Variants in TPRG1 observed in about 807,000 individuals in gnomAD.
TPRG1 encodes the protein tumor protein p63-regulated gene 1 protein.
Under a neutral mutation model 29.3 loss-of-function variants are expected in TPRG1, and 29 were observed. The observed-to-expected ratio is 0.99, with a 90% CI of 0.74 to 1.35. The LOEUF is 1.35. Ranked by LOEUF, TPRG1 falls within the 40% of genes most tolerant of loss-of-function variation. The pLI, the probability that TPRG1 is intolerant of heterozygous loss-of-function variation, is 0.00. For missense variants in TPRG1, 327 were observed against 335.0 expected (o/e 0.98, Z 0.19); for synonymous variants, 130 against 116.8 (o/e 1.11, Z -0.73).
chr3:189,015,029 G>A (rs781182459), intron 3 of TPRG1, among the ~76,000 whole-genome samples: 34 of 152,154 alleles, frequency 2.2e-4, no homozygotes, highest in Admixed American at 1.0e-3. Flanking sequence ...ATAAGATGAC[G>A]CAGGAAAGTT....
chr3:189,060,778 C>T (rs1487752443), intron 4 of TPRG1, among the ~76,000 whole-genome samples: 1 of 152,064 alleles, frequency 6.6e-6, no homozygotes, highest in Non-Finnish European at 1.5e-5. Flanking sequence ...TGAAACTCTG[C>T]TCAAAGAAAT....
At chr3:189,094,456 C>G (rs1718542568) in intron 4 of TPRG1, among the ~76,000 whole-genome samples, 1 of 152,124 alleles carries the variant, frequency 6.6e-6, no homozygotes, top group Non-Finnish European at 1.5e-5. Flanking sequence ...AGGATCTATT[C>G]AAAATGCTGA....
intron 4 of TPRG1, among the ~76,000 whole-genome samples, chr3:189,026,738 G>A (rs913961226): frequency 6.6e-6 from 1 of 152,178 alleles, no homozygotes; most frequent in Non-Finnish European, 1.5e-5. Flanking sequence ...TGGGAGGACA[G>A]CTAAGAGACA....
chr3:189,292,919 C>T (rs1220550269), intron 4 of TPRG1, among the ~76,000 whole-genome samples: 1 of 152,066 alleles, frequency 6.6e-6, no homozygotes, highest in African/African-American at 2.4e-5. Flanking sequence ...TGAGAGGGGC[C>T]TCTGCAGGGT....
At chr3:189,142,703 T>G (rs1324706194) in intron 3 of TPRG1, among the ~76,000 whole-genome samples, 1 of 152,180 alleles carries the variant, frequency 6.6e-6, no homozygotes, top group Non-Finnish European at 1.5e-5. Context: ...CCCAAAGGTG[T>G]GAAGGATGAA....
At position 189,125,629 on chromosome 3, in the gene TPRG1, T is replaced by C. The variant is rs1341162031; in HGVS notation, c.-743-1428T>C. On this transcript the variant is annotated intron_variant, in intron 1 of 6. Transcript: ENST00000412373. ...CTTCTTTGGTCTCTCTATTCATATG[T>C]CTTCTTAATCAACAGGTACAAAGGA... 2.0e-5 allele frequency among the ~76,000 whole-genome samples: 3 copies of C among 152,144 alleles called. No individual in the cohort carries two copies. The East Asian group carries it at 5.8e-4, about 29-fold the overall frequency.
chr3:189,310,674 A>G (rs1722343649), intron 5 of TPRG1, 135 bp downstream of exon 5: 2 of 436,354 alleles, frequency 4.6e-6, no homozygotes, highest in Non-Finnish European at 7.1e-6. Context: ...TAAAACCAGC[A>G]ATTTATATAG....
At position 189,092,949 on chromosome 3, in the gene TPRG1, C is replaced by G. The variant is rs181718972; in HGVS notation, c.-462-34108C>G. Among the ~76,000 whole-genome samples, 6 of 152,244 alleles carry G rather than the reference C, an allele frequency of 3.9e-5. No homozygotes were observed. In the East Asian group the frequency reaches 1.2e-3, roughly 29 times the overall value. Reference sequence around the variant, plus strand: ...AGTTCCTCTCTGTTTTTAGTGTTCTCTAATTTGCTGAAATTGATGAGCATG... The same window carrying G: ...AGTTCCTCTCTGTTTTTAGTGTTCTGTAATTTGCTGAAATTGATGAGCATG... On this transcript the variant is annotated intron_variant, in intron 4 of 10. Coordinates refer to the TPRG1 transcript ENST00000433971.
chr3:189,251,998 C>T (rs1742346016), intron 4 of TPRG1, among the ~76,000 whole-genome samples: 1 of 151,832 alleles, frequency 6.6e-6, no homozygotes, highest in Non-Finnish European at 1.5e-5. Flanking sequence ...GGGGAGAAAC[C>T]TTGGACAATA....
intron 4 of TPRG1, among the ~76,000 whole-genome samples, chr3:189,270,949 T>C (rs936063839): frequency 6.6e-6 from 1 of 152,210 alleles, no homozygotes; most frequent in Non-Finnish European, 1.5e-5. Flanking sequence ...TTTCTATTTT[T>C]ATGCTCATGA....
chr3:189,231,472 T>G (rs1738641274), intron 3 of TPRG1, among the ~76,000 whole-genome samples: 1 of 152,148 alleles, frequency 6.6e-6, no homozygotes, highest in Non-Finnish European at 1.5e-5. Context: ...TTAAGGGATT[T>G]AGAAGAATCT....
chr3:189,207,488 AC>A lies in TPRG1; in HGVS notation c.107del (p.Pro36ArgfsTer12). 6.2e-7 allele frequency: 1 copy of A among 1,614,052 alleles called. No individual in the cohort carries two copies. Among genetic ancestry groups the A allele is most frequent in the Non-Finnish European group, 8.5e-7 (1 of 1,179,974 alleles). On this transcript the variant is annotated frameshift_variant, in exon 2 of 6. Coordinates refer to ENST00000345063, the MANE Select transcript of TPRG1 (RefSeq NM_198485.4). LOFTEE classifies it high-confidence loss of function. ...ETDHLSMEEE[D>X]PMPRQISRQS... ...GACCACCTATCGATGGAGGAAGAGG[AC>A]CCGATGCCAAGACAGATTTCAAGGC... is the stretch of plus-strand genomic sequence containing the variant.
intron 4 of TPRG1, among the ~76,000 whole-genome samples, chr3:189,049,020 A>G (rs1466413554): frequency 1.3e-5 from 2 of 152,170 alleles, no homozygotes; most frequent in Non-Finnish European, 2.9e-5. Flanking sequence ...CCATTCCTGC[A>G]TGGCACCACA....
intron 4 of TPRG1, among the ~76,000 whole-genome samples, chr3:189,030,659 G>A (rs915086486): frequency 6.6e-6 from 1 of 152,186 alleles, no homozygotes; most frequent in African/African-American, 2.4e-5. Context: ...GTATGAAGAA[G>A]AGTTGCTGAA....
At chr3:189,135,676 A>G (rs1723661119) in intron 3 of TPRG1, among the ~76,000 whole-genome samples, 1 of 152,230 alleles carries the variant, frequency 6.6e-6, no homozygotes, top group African/African-American at 2.4e-5. Context: ...TTTCTAAAAA[A>G]GAATATAGGA....
chr3:189,121,560 C>T (rs1432616589), intron 1 of TPRG1: 1 of 152,174 alleles, frequency 6.6e-6, no homozygotes, highest in Non-Finnish European at 1.5e-5. Flanking sequence ...TGTAATTGAA[C>T]AAGAAGTAAA....
chr3:189,051,419 C>T (rs530368164), intron 4 of TPRG1, among the ~76,000 whole-genome samples: 11 of 152,162 alleles, frequency 7.2e-5, no homozygotes, highest in South Asian at 4.2e-4. Context: ...AGGAAAACTA[C>T]GAAACACTGC....
rs2108805430 is a variant in TPRG1 at position 189,207,388 on chromosome 3, T to C, written c.4T>C (p.Ser2Pro). The C allele has an allele frequency of 6.2e-7, 1 of 1,613,986 alleles. No homozygotes were observed. Among genetic ancestry groups the C allele is most frequent in the South Asian group, 1.1e-5 (1 of 91,082 alleles). ...GCCCTTGGTTTAGGCTGAAGAAATG[T>C]CAACAATTGGGAGTTTTGAAGGATT... M[S>P]TIGSFEGFQA... is the part of the protein sequence containing the mutation. The change falls in exon 2 of 6, where the codon TCA becomes CCA. Residue 2 changes from serine to proline, a missense_variant. Coordinates refer to ENST00000345063, the MANE Select transcript of TPRG1 (RefSeq NM_198485.4).
chr3:189,065,996 C>A (rs921263304), intron 4 of TPRG1, among the ~76,000 whole-genome samples: 1 of 152,112 alleles, frequency 6.6e-6, no homozygotes, highest in Non-Finnish European at 1.5e-5. Flanking sequence ...TTGGACATTG[C>A]AGCTGATACT....
Sources: gnomAD v4.1 joint callset for allele counts (sites outside exome capture counted in the v4.1 genomes callset) on GRCh38, gnomAD v4.1.1 for gene constraint, MANE v1.5 for transcripts, NCBI Gene and HGNC (gene_info 2026-07-23, HGNC 2026-07-21) for gene names.